The following MDGA2 variants were observed in gnomAD, a reference collection of about 807,000 sequenced individuals.
The protein encoded by MDGA2 is MAM domain-containing glycosylphosphatidylinositol anchor protein 2.
A neutral mutation model predicts 117.8 loss-of-function variants in MDGA2; 40 were observed. The ratio of observed to expected loss-of-function variants is 0.34; its 90% CI spans 0.26 to 0.44. The LOEUF (loss-of-function observed/expected upper bound fraction) is 0.44. MDGA2 is among the 20% of genes least tolerant of loss of function. The probability of loss-of-function intolerance (pLI) is 1.00; values close to 1 mark genes in which losing one functional copy is unlikely to be tolerated. For missense variants in MDGA2, 1,123 were observed against 1,250.6 expected (o/e 0.90, Z 1.54); for synonymous variants, 452 against 439.0 (o/e 1.03, Z -0.37).
intron 1 of MDGA2, among the ~76,000 whole-genome samples, chr14:47,378,482 G>C (rs886514829): frequency 2.6e-5 from 4 of 152,140 alleles, no homozygotes; most frequent in Non-Finnish European, 5.9e-5. Flanking sequence ...AAGATTAGAT[G>C]AATGGCTAAC....
intron 2 of MDGA2, among the ~76,000 whole-genome samples, chr14:47,278,318 A>G (rs1888370525): frequency 6.6e-6 from 1 of 152,120 alleles, no homozygotes; most frequent in Non-Finnish European, 1.5e-5. Flanking sequence ...ATAATTTTAC[A>G]TAGTCATGGG....
intron 1 of MDGA2, among the ~76,000 whole-genome samples, chr14:47,667,062 C>G (rs548217503): frequency 6.6e-6 from 1 of 152,250 alleles, no homozygotes; most frequent in Admixed American, 6.5e-5. Flanking sequence ...CGCAAGGGTC[C>G]GCGGCTTCAT....
chr14:47,652,382 G>C (rs144488552), intron 1 of MDGA2, among the ~76,000 whole-genome samples: 1 of 151,888 alleles, frequency 6.6e-6, no homozygotes, highest in South Asian at 2.1e-4. Context: ...CAGAGAAATC[G>C]GAACTTTTAC....
At position 46,989,322 on chromosome 14, in the gene MDGA2, GA is replaced by G. The variant is rs71448152; in HGVS notation, c.1820-31680del. Among the ~76,000 whole-genome samples, 1,256 of 146,398 alleles carry G rather than the reference GA, an allele frequency of 8.6e-3. 22 individuals carry two copies. Among genetic ancestry groups the G allele is most frequent in the African/African-American group, 0.029 (1,137 of 39,214 alleles). ...ATATCAGAAAAGGATAGCTGCACTG[GA>G]AAAAAAAAAGGGGGGTATCCTTGTG... On this transcript the variant is annotated intron_variant, in intron 8 of 16. Coordinates refer to ENST00000399232, the MANE Select transcript of MDGA2 (RefSeq NM_001113498.3).
At chr14:47,667,816 C>T (rs1207386075) in intron 1 of MDGA2, among the ~76,000 whole-genome samples, 1 of 152,044 alleles carries the variant, frequency 6.6e-6, no homozygotes, top group Non-Finnish European at 1.5e-5. Flanking sequence ...TACAACAAAA[C>T]AAGACAAAAA....
At chr14:47,547,988 T>C (rs539462853) in intron 1 of MDGA2, among the ~76,000 whole-genome samples, 1 of 152,220 alleles carries the variant, frequency 6.6e-6, no homozygotes, top group Non-Finnish European at 1.5e-5. Context: ...TCTGCTATTA[T>C]TGTCACACAA....
intron 8 of MDGA2, among the ~76,000 whole-genome samples, chr14:47,031,227 TATAC>T (rs920036707): frequency 2.9e-4 from 40 of 138,556 alleles, no homozygotes; most frequent in Non-Finnish European, 2.4e-4. Context: ...TATATATATA[TATAC>T]ACACACACAC....
At chr14:47,041,611 G>A (rs1403232782) in intron 7 of MDGA2, among the ~76,000 whole-genome samples, 2 of 149,368 alleles carry the variant, frequency 1.3e-5, no homozygotes, top group Non-Finnish European at 3.0e-5. Context: ...AACATGATAT[G>A]ACACCAAAGT....
chr14:47,159,997 G>T (rs1207176500), intron 3 of MDGA2, among the ~76,000 whole-genome samples: 3 of 152,048 alleles, frequency 2.0e-5, no homozygotes, highest in Non-Finnish European at 4.4e-5. Flanking sequence ...TTTTCCCCTA[G>T]ATTGCAGATG....
chr14:47,216,600 T>G (rs549180001), intron 3 of MDGA2, among the ~76,000 whole-genome samples: 1 of 152,256 alleles, frequency 6.6e-6, no homozygotes, highest in Non-Finnish European at 1.5e-5. Flanking sequence ...TTCAGAAGTT[T>G]TTAGATTTTA....
chr14:46,907,297 C>A (rs950697644), intron 10 of MDGA2, among the ~76,000 whole-genome samples: 1 of 152,056 alleles, frequency 6.6e-6, no homozygotes, highest in African/African-American at 2.4e-5. Flanking sequence ...TGCTTTCTAG[C>A]AAATCAGTTG....
chr14:47,035,135 A>G lies in MDGA2; in HGVS notation c.1695T>C (p.Tyr565=). 6.2e-7 allele frequency: 1 copy of G among 1,614,110 alleles called. No individual in the cohort carries two copies. The highest frequency in any genetic ancestry group is 8.5e-7 in the Non-Finnish European group (1 of 1,180,000). Residue 565 remains tyrosine, a synonymous_variant, in exon 8 of 17, where the codon TAT becomes TAC. Transcript: ENST00000399232. ...MPDGSMQMES[Y]DGTLRIVNVS... is the part of the protein sequence containing the mutation. ...CATTCACAATCCTCAGTGTTCCATC[A>G]TAACTCTCCATTTGCATTGATCCAT...
intron 14 of MDGA2, among the ~76,000 whole-genome samples, chr14:46,861,175 T>TA (rs1024186517): frequency 1.3e-5 from 2 of 151,864 alleles, no homozygotes; most frequent in African/African-American, 4.8e-5. Flanking sequence ...ATGCACTTTT[T>TA]AAAAAACATT....
chr14:47,413,679 T>A (rs1301811889), intron 1 of MDGA2, among the ~76,000 whole-genome samples: 1 of 151,460 alleles, frequency 6.6e-6, no homozygotes, highest in Non-Finnish European at 1.5e-5. Context: ...GGTTTTTTTT[T>A]TTTTACTTTG....
intron 10 of MDGA2, among the ~76,000 whole-genome samples, chr14:46,893,903 T>G (rs917405631): frequency 6.6e-6 from 1 of 151,988 alleles, no homozygotes; most frequent in Non-Finnish European, 1.5e-5. Context: ...ATTTTATAAA[T>G]TTTTTTAGAC....
intron 11 of MDGA2, among the ~76,000 whole-genome samples, chr14:46,879,910 G>A (rs1411820915): frequency 6.6e-6 from 1 of 152,154 alleles, no homozygotes; most frequent in Non-Finnish European, 1.5e-5. Context: ...ACGTTTGACA[G>A]TATTCACTAC....
At chr14:47,151,805 C>T (rs937723374) in intron 3 of MDGA2, among the ~76,000 whole-genome samples, 2 of 151,276 alleles carry the variant, frequency 1.3e-5, no homozygotes, top group Admixed American at 1.3e-4. Context: ...ATATGGTTTC[C>T]TATAAAATAT....
intron 2 of MDGA2, among the ~76,000 whole-genome samples, chr14:47,274,977 T>C (rs956173542): frequency 6.6e-6 from 1 of 152,176 alleles, no homozygotes; most frequent in South Asian, 2.1e-4. Flanking sequence ...TGATCAGATA[T>C]ATGATTTACA....
intron 11 of MDGA2, 83 bp from the exon 12 acceptor site, chr14:46,877,592 C>A: frequency 2.0e-6 from 2 of 987,836 alleles, no homozygotes; most frequent in South Asian, 3.2e-5. Context: ...AAAGTCTAAT[C>A]AGTGTCTCAT....
Sources: allele counts gnomAD v4.1 joint callset (sites outside exome capture counted in the v4.1 genomes callset), GRCh38; gene constraint gnomAD v4.1.1; transcripts MANE v1.5; gene names NCBI Gene and HGNC (gene_info 2026-07-23, HGNC 2026-07-21).